The following CNOT4 variants were observed in gnomAD, a reference collection of about 807,000 sequenced individuals.
CNOT4 encodes CCR4-NOT transcription complex subunit 4.
A neutral mutation model predicts 73.8 loss-of-function variants in CNOT4; 8 were observed. The observed-to-expected ratio is 0.11, with a 90% CI of 0.06 to 0.20. The LOEUF (loss-of-function observed/expected upper bound fraction) is 0.20, where lower values mean the gene tolerates loss of function less well. Among genes scored for constraint, CNOT4 ranks in the 10% least tolerant of loss-of-function variants. The pLI is 1.00. For missense variants in CNOT4, 564 were observed against 883.4 expected, an observed-to-expected ratio of 0.64 and a Z score of 4.58; for synonymous variants, 293 against 321.1, an observed-to-expected ratio of 0.91 and a Z score of 0.94.
chr7:135,382,662 A>AT (rs1347612036), intron 10 of CNOT4, among the ~76,000 whole-genome samples: 1 of 151,992 alleles, frequency 6.6e-6, no homozygotes, highest in East Asian at 1.9e-4. Flanking sequence ...CGAATAGAAA[A>AT]TTTTTTTAAA....
intron 1 of CNOT4, among the ~76,000 whole-genome samples, chr7:135,469,916 G>A (rs1387372602): frequency 6.6e-6 from 1 of 152,054 alleles, no homozygotes; most frequent in Non-Finnish European, 1.5e-5. Context: ...CCACCTCCTA[G>A]GTTTAAGCAA....
chr7:135,374,442 G>C (rs1795405489), intron 10 of CNOT4, among the ~76,000 whole-genome samples: 1 of 151,914 alleles, frequency 6.6e-6, no homozygotes, highest in Admixed American at 6.6e-5. Context: ...ATGGATAACA[G>C]CAGTGTTTAG....
At chr7:135,473,564 T>C (rs985109906) in intron 1 of CNOT4, among the ~76,000 whole-genome samples, 10 of 152,082 alleles carry the variant, frequency 6.6e-5, no homozygotes, top group Non-Finnish European at 1.2e-4. Context: ...CTGGGCAACA[T>C]GGCATAATCC....
At chr7:135,397,940 G>T (rs1472533651) in intron 8 of CNOT4, among the ~76,000 whole-genome samples, 1 of 151,996 alleles carries the variant, frequency 6.6e-6, no homozygotes, top group Admixed American at 6.6e-5. Flanking sequence ...AGACTCTAAA[G>T]ATAATAGTAT....
intron 1 of CNOT4, among the ~76,000 whole-genome samples, chr7:135,467,949 C>G (rs574115618): frequency 7.2e-4 from 110 of 152,064 alleles, no homozygotes; most frequent in Admixed American, 1.8e-3. Context: ...GGCGTGGTGG[C>G]TCACGCCTGT....
intron 10 of CNOT4, among the ~76,000 whole-genome samples, chr7:135,382,350 A>G (rs1395927660): frequency 4.6e-5 from 7 of 152,242 alleles, no homozygotes; most frequent in Admixed American, 4.6e-4. Flanking sequence ...TACAACTCAC[A>G]GAAGCAAATC....
chr7:135,375,740 T>A (rs1033071072), intron 10 of CNOT4, among the ~76,000 whole-genome samples: 1 of 152,064 alleles, frequency 6.6e-6, no homozygotes, highest in Non-Finnish European at 1.5e-5. Flanking sequence ...CTGGCCAACA[T>A]AGAGAAACCC....
intron 2 of CNOT4, among the ~76,000 whole-genome samples, chr7:135,429,415 GA>G (rs1798691093): frequency 1.3e-5 from 2 of 152,054 alleles, no homozygotes; most frequent in South Asian, 4.2e-4. Context: ...CCTCTTCCTA[GA>G]AATAATCATG....
intron 1 of CNOT4, among the ~76,000 whole-genome samples, chr7:135,470,618 T>C (rs10266715): frequency 0.098 from 14,699 of 149,672 alleles, 765 homozygotes; most frequent in Middle Eastern, 0.13. Context: ...AATGAATAAA[T>C]GAACTGTGGT....
chr7:135,382,936 C>T (rs1279545841), intron 10 of CNOT4, among the ~76,000 whole-genome samples: 1 of 152,158 alleles, frequency 6.6e-6, no homozygotes, highest in Non-Finnish European at 1.5e-5. Flanking sequence ...TCACCCTGCT[C>T]TACTACCTCT....
At chr7:135,473,343 C>G (rs1801762885) in intron 1 of CNOT4, among the ~76,000 whole-genome samples, 1 of 152,016 alleles carries the variant, frequency 6.6e-6, no homozygotes, top group South Asian at 2.1e-4. Flanking sequence ...TGGAGCTACC[C>G]TAATAATTTT....
At chr7:135,477,343 C>CAAAA (rs397780678) in intron 1 of CNOT4, among the ~76,000 whole-genome samples, 1 of 137,682 alleles carries the variant, frequency 7.3e-6, no homozygotes, top group African/African-American at 2.7e-5. Flanking sequence ...ACTCTTGTCT[C>CAAAA]AAAAAAAAAA....
chr7:135,447,169 A>C (rs978376324), intron 1 of CNOT4, among the ~76,000 whole-genome samples: 2 of 151,630 alleles, frequency 1.3e-5, no homozygotes, highest in African/African-American at 4.8e-5. Context: ...CAGCACTTTA[A>C]GTTGTCCATT....
At chr7:135,428,594 T>C (rs1256668102) in intron 2 of CNOT4, among the ~76,000 whole-genome samples, 9 of 152,126 alleles carry the variant, frequency 5.9e-5, no homozygotes, top group Non-Finnish European at 1.3e-4. Context: ...ACATATTTAG[T>C]GGCAGATTGG....
intron 3 of CNOT4, among the ~76,000 whole-genome samples, chr7:135,419,163 C>CAA (rs761924352): frequency 1.3e-5 from 2 of 152,046 alleles, no homozygotes; most frequent in Non-Finnish European, 2.9e-5. Context: ...TATCAACCAA[C>CAA]AAATGAATAC....
intron 10 of CNOT4, among the ~76,000 whole-genome samples, chr7:135,369,639 A>C (rs190750277): frequency 2.1e-4 from 32 of 152,352 alleles, no homozygotes; most frequent in African/African-American, 7.7e-4. Flanking sequence ...ACACATCAGA[A>C]ACCTGGTTCC....
chr7:135,415,545 G>C (rs1033400692), intron 3 of CNOT4, among the ~76,000 whole-genome samples: 3 of 152,100 alleles, frequency 2.0e-5, no homozygotes, highest in Non-Finnish European at 2.9e-5. Context: ...TAGTCTATGG[G>C]ATCTTACCTG....
At chr7:135,471,763 G>C (rs1029360995) in intron 1 of CNOT4, among the ~76,000 whole-genome samples, 1 of 152,102 alleles carries the variant, frequency 6.6e-6, no homozygotes, top group Non-Finnish European at 1.5e-5. Context: ...AGTGTCTTAC[G>C]TTATACACGT....
intron 1 of CNOT4, among the ~76,000 whole-genome samples, chr7:135,504,382 G>A (rs2129488290): frequency 6.9e-6 from 1 of 145,970 alleles, no homozygotes; most frequent in Non-Finnish European, 1.5e-5. Flanking sequence ...TGCAACCTCT[G>A]ACTCCCAAGT....
Sources: gnomAD v4.1 joint callset for allele counts (sites outside exome capture counted in the v4.1 genomes callset) on GRCh38, gnomAD v4.1.1 for gene constraint, MANE v1.5 for transcripts, NCBI Gene and HGNC (gene_info 2026-07-23, HGNC 2026-07-21) for gene names.